The following SPATA16 variants were observed in gnomAD, a reference collection of about 807,000 sequenced individuals.
The protein encoded by SPATA16 is spermatogenesis associated 16, also known as spermatogenesis-associated protein 16.
In SPATA16, 36 loss-of-function variants were observed where a neutral mutation model predicts 63.3. That is an observed-to-expected ratio of 0.57 (90% confidence interval 0.44 to 0.75). The LOEUF (loss-of-function observed/expected upper bound fraction) is 0.75. SPATA16 is among the 30% of genes least tolerant of loss of function. SPATA16 has a pLI of 0.00. For synonymous variants in SPATA16, 203 were observed against 216.7 expected (o/e 0.94, Z 0.56); for missense variants, 646 against 679.3 (o/e 0.95, Z 0.54).
chr3:173,099,639 C>T (rs1330341792), intron 2 of SPATA16, among the ~76,000 whole-genome samples: 3 of 152,010 alleles, frequency 2.0e-5, no homozygotes, highest in Admixed American at 1.3e-4. Flanking sequence ...TTTTCTACCT[C>T]GAATTTTGAA....
intron 4 of SPATA16, among the ~76,000 whole-genome samples, chr3:173,004,624 T>A (rs1254184016): frequency 6.6e-6 from 1 of 152,204 alleles, no homozygotes; most frequent in African/African-American, 2.4e-5. Context: ...ATTACTCAAC[T>A]CATTTGGGTT....
At chr3:173,059,973 C>G (rs886570413) in intron 2 of SPATA16, among the ~76,000 whole-genome samples, 18 of 150,772 alleles carry the variant, frequency 1.2e-4, no homozygotes, top group Admixed American at 1.1e-3. Flanking sequence ...AAAAACAGAG[C>G]TGGCTGGGCA....
intron 4 of SPATA16, among the ~76,000 whole-genome samples, chr3:172,988,204 G>C (rs561324657): frequency 6.6e-6 from 1 of 152,092 alleles, no homozygotes; most frequent in African/African-American, 2.4e-5. Context: ...GGTTGTCAAG[G>C]CAGCCTACAA....
intron 2 of SPATA16, among the ~76,000 whole-genome samples, chr3:173,102,330 G>A (rs1338893261): frequency 6.6e-6 from 1 of 152,164 alleles, no homozygotes; most frequent in Non-Finnish European, 1.5e-5. Context: ...TTCTTGCATT[G>A]TTATAAAGAA....
intron 1 of SPATA16, among the ~76,000 whole-genome samples, chr3:173,119,490 G>A (rs927810176): frequency 3.3e-5 from 5 of 152,140 alleles, no homozygotes; most frequent in African/African-American, 1.2e-4. Flanking sequence ...ACATACCAAA[G>A]GATCTACTGT....
At chr3:173,107,834 C>T (rs759550669) in intron 2 of SPATA16, among the ~76,000 whole-genome samples, 1 of 152,030 alleles carries the variant, frequency 6.6e-6, no homozygotes, top group Non-Finnish European at 1.5e-5. Context: ...GACTTACACA[C>T]ATTTGGAAAG....
intron 7 of SPATA16, 95 bp downstream of exon 7, chr3:172,925,251 A>T (rs2109578216): frequency 1.5e-6 from 2 of 1,367,724 alleles, no homozygotes; most frequent in Non-Finnish European, 1.0e-6. Flanking sequence ...CACAAAGAAG[A>T]TTAGAAGGAG....
At chr3:172,956,418 A>AT (rs1179976824) in intron 6 of SPATA16, among the ~76,000 whole-genome samples, 1 of 152,106 alleles carries the variant, frequency 6.6e-6, no homozygotes, top group African/African-American at 2.4e-5. Context: ...TCATTCTTCC[A>AT]TTTTTTAAAA....
chr3:173,014,766 A>G (rs1477472230), intron 4 of SPATA16, among the ~76,000 whole-genome samples: 1 of 152,152 alleles, frequency 6.6e-6, no homozygotes, highest in African/African-American at 2.4e-5. Flanking sequence ...TAGGGTGATG[A>G]TATGGCCGGT....
intron 1 of SPATA16, among the ~76,000 whole-genome samples, chr3:173,132,745 T>A (rs1236703679): frequency 2.0e-5 from 3 of 152,288 alleles, no homozygotes; most frequent in Non-Finnish European, 4.4e-5. Context: ...CAAATTAATG[T>A]AACAAAAAAT....
intron 4 of SPATA16, among the ~76,000 whole-genome samples, chr3:173,011,124 G>C (rs899029098): frequency 2.6e-5 from 4 of 151,974 alleles, no homozygotes; most frequent in Admixed American, 1.3e-4. Flanking sequence ...ATCTGGCAAA[G>C]ACACAATGAA....
chr3:173,063,686 A>G (rs1268166661), intron 2 of SPATA16, among the ~76,000 whole-genome samples: 2 of 152,208 alleles, frequency 1.3e-5, no homozygotes, highest in African/African-American at 4.8e-5. Flanking sequence ...CAGATTTACT[A>G]CAGATTTTTC....
intron 3 of SPATA16, among the ~76,000 whole-genome samples, chr3:173,023,370 T>C (rs1735381291): frequency 6.6e-6 from 1 of 152,090 alleles, no homozygotes; most frequent in Non-Finnish European, 1.5e-5. Flanking sequence ...ATGCTTTTGA[T>C]CTGCCTAATT....
At chr3:172,901,893 C>A (rs1219137676) in intron 10 of SPATA16, among the ~76,000 whole-genome samples, 1 of 152,126 alleles carries the variant, frequency 6.6e-6, no homozygotes, top group Non-Finnish European at 1.5e-5. Context: ...AAAATCCTGA[C>A]TTTCTACCAG....
At chr3:173,105,775 CCCTG>C in intron 2 of SPATA16, among the ~76,000 whole-genome samples, 2 of 150,354 alleles carry the variant, frequency 1.3e-5, no homozygotes, top group Non-Finnish European at 3.0e-5. Context: ...CTCCCTCCCT[CCCTG>C]TCTTCATCCC....
At chr3:173,107,545 T>C (rs1046327918) in intron 2 of SPATA16, among the ~76,000 whole-genome samples, 1 of 152,074 alleles carries the variant, frequency 6.6e-6, no homozygotes, top group Non-Finnish European at 1.5e-5. Flanking sequence ...GTCTTCTCTA[T>C]TTTAGTGAAT....
intron 9 of SPATA16, 75 bp downstream of exon 9, chr3:172,916,242 T>TG (rs1732482559): frequency 6.4e-7 from 1 of 1,554,144 alleles, no homozygotes; most frequent in Admixed American, 1.8e-5. Flanking sequence ...TTTTTTTTTT[T>TG]TTTTTTCCCC....
At chr3:173,090,877 T>C (rs1737204628) in intron 2 of SPATA16, among the ~76,000 whole-genome samples, 1 of 152,222 alleles carries the variant, frequency 6.6e-6, no homozygotes, top group Non-Finnish European at 1.5e-5. Flanking sequence ...CAAGATTGCA[T>C]GTAATCACTA....
At chr3:173,025,177 T>C (rs1008272788) in intron 3 of SPATA16, among the ~76,000 whole-genome samples, 1 of 151,462 alleles carries the variant, frequency 6.6e-6, no homozygotes, top group Non-Finnish European at 1.5e-5. Context: ...TGAAAATATT[T>C]TAATGGAATG....
Sources: gnomAD v4.1 joint callset for allele counts (sites outside exome capture counted in the v4.1 genomes callset) on GRCh38, gnomAD v4.1.1 for gene constraint, MANE v1.5 for transcripts, NCBI Gene and HGNC (gene_info 2026-07-23, HGNC 2026-07-21) for gene names.